The following MAGI1 variants were observed in gnomAD, a reference collection of about 807,000 sequenced individuals.
MAGI1 encodes the protein membrane associated guanylate kinase, WW and PDZ domain containing 1, also known as membrane-associated guanylate kinase, WW and PDZ domain-containing protein 1.
A neutral mutation model predicts 139.9 loss-of-function variants in MAGI1; 58 were observed. The ratio of observed to expected loss-of-function variants is 0.41; its 90% CI spans 0.34 to 0.52. The LOEUF is 0.52. MAGI1 is among the 20% of genes least tolerant of loss of function. The pLI is 0.12. For synonymous variants in MAGI1, 812 were observed against 737.9 expected (o/e 1.10, Z -1.63); for missense variants, 1,874 against 1,901.6 (o/e 0.99, Z 0.27).
intron 22 of MAGI1, chr3:65,360,351 C>A: frequency 3.3e-6 from 3 of 910,564 alleles, no homozygotes; most frequent in South Asian, 5.2e-5. Context: ...ATAGCTTCTT[C>A]TTTTTTTTTT....
chr3:65,617,587 A>C (rs1440560456), intron 2 of MAGI1, among the ~76,000 whole-genome samples: 1 of 152,136 alleles, frequency 6.6e-6, no homozygotes, highest in Non-Finnish European at 1.5e-5. Flanking sequence ...TCCAGCTCCA[A>C]GCTCATGGGA....
chr3:65,526,785 G>A (rs1166018184), intron 2 of MAGI1, among the ~76,000 whole-genome samples: 1 of 152,054 alleles, frequency 6.6e-6, no homozygotes, highest in Non-Finnish European at 1.5e-5. Context: ...GACATTGTGG[G>A]TAACTTGGTG....
chr3:65,614,788 C>T (rs536552988), intron 2 of MAGI1, among the ~76,000 whole-genome samples: 1 of 151,978 alleles, frequency 6.6e-6, no homozygotes, highest in African/African-American at 2.4e-5. Flanking sequence ...CAGAGCCGAT[C>T]TAAAAGCTTT....
intron 1 of MAGI1, among the ~76,000 whole-genome samples, chr3:65,766,444 G>A (rs180779525): frequency 6.6e-6 from 1 of 152,028 alleles, no homozygotes; most frequent in African/African-American, 2.4e-5. Flanking sequence ...ACGTTGCAAG[G>A]GATTGTACAG....
intron 1 of MAGI1, among the ~76,000 whole-genome samples, chr3:65,649,966 A>G (rs2085489686): frequency 6.6e-6 from 1 of 152,204 alleles, no homozygotes; most frequent in Non-Finnish European, 1.5e-5. Flanking sequence ...ACCTAAACAC[A>G]ACTACCATTT....
intron 11 of MAGI1, 75 bp downstream of exon 11, chr3:65,430,624 A>T (rs888795428): frequency 4.8e-5 from 71 of 1,492,230 alleles, no homozygotes; most frequent in Non-Finnish European, 6.2e-5. Context: ...AACAAACAAC[A>T]TCATGATTGC....
intron 1 of MAGI1, among the ~76,000 whole-genome samples, chr3:65,624,921 T>C (rs2083884440): frequency 6.6e-6 from 1 of 152,164 alleles, no homozygotes; most frequent in Admixed American, 6.5e-5. Flanking sequence ...TGCCCAGGCT[T>C]GTGTGCAGTG....
At chr3:65,846,915 CCAAA>C (rs1168091521) in intron 1 of MAGI1, among the ~76,000 whole-genome samples, 3 of 123,620 alleles carry the variant, frequency 2.4e-5, no homozygotes. Context: ...TCCTACTCCC[CCAAA>C]CAAAGGAAAG....
At chr3:65,386,314 T>G (rs1371434699) in intron 14 of MAGI1, among the ~76,000 whole-genome samples, 1 of 150,868 alleles carries the variant, frequency 6.6e-6, no homozygotes, top group African/African-American at 2.4e-5. Flanking sequence ...TATTTAAAGG[T>G]TTTCTGTTGA....
intron 1 of MAGI1, among the ~76,000 whole-genome samples, chr3:65,640,352 T>C (rs1224583567): frequency 6.6e-6 from 1 of 152,144 alleles, no homozygotes; most frequent in South Asian, 2.1e-4. Context: ...GTCTAATACA[T>C]CGGCTCTAAT....
chr3:65,569,614 T>C (rs1419558757), intron 2 of MAGI1, among the ~76,000 whole-genome samples: 3 of 152,088 alleles, frequency 2.0e-5, no homozygotes, highest in African/African-American at 7.2e-5. Flanking sequence ...CGGTGGCTTG[T>C]GCATGTAATC....
At chr3:65,421,447 G>T (rs1192721570) in intron 12 of MAGI1, among the ~76,000 whole-genome samples, 2 of 152,190 alleles carry the variant, frequency 1.3e-5, no homozygotes, top group African/African-American at 4.8e-5. Flanking sequence ...ATAGTGGTGA[G>T]TGAGGTCAAT....
intron 1 of MAGI1, among the ~76,000 whole-genome samples, chr3:65,982,480 T>C (rs922643221): frequency 2.0e-5 from 3 of 152,240 alleles, no homozygotes; most frequent in Admixed American, 6.5e-5. Context: ...GCAACTTCCA[T>C]GGTGCATTTA....
intron 1 of MAGI1, among the ~76,000 whole-genome samples, chr3:65,759,035 C>A (rs1392904433): frequency 6.9e-6 from 1 of 143,962 alleles, no homozygotes; most frequent in East Asian, 2.0e-4. Context: ...TTTACCACAG[C>A]CCCAGAAAGG....
chr3:65,356,565 C>G lies in MAGI1; in HGVS notation c.4202G>C (p.Arg1401Pro). 1.2e-6 allele frequency: 2 copies of G among 1,606,834 alleles called. No individual in the cohort carries two copies. Among genetic ancestry groups the G allele is most frequent in the African/African-American group, 1.3e-5 (1 of 74,616 alleles). Residue 1401 changes from arginine (R) to proline (P), a missense_variant, in exon 23 of 23, where the codon CGG becomes CCG. Physicochemically the swap from Arg to Pro is moderately radical, Grantham distance 103. Around this residue, in one of 5 missense-constraint regions of MAGI1, gnomAD observed 653 missense variants for 644.5 expected, o/e 1.01. Coordinates refer to ENST00000402939, the MANE Select transcript of MAGI1 (RefSeq NM_001033057.2). ...GCGCTCGGGGGAGCGTGCGCGCCTCCGGTCGGTGGACTTGGCCCTGCGCTC... is the reference window on the plus strand; with the variant it reads ...GCGCTCGGGGGAGCGTGCGCGCCTCGGGTCGGTGGACTTGGCCCTGCGCTC... ...SPERRAKSTD[R>P]RRARSPERRR...
chr3:65,561,300 T>C (rs990316839), intron 2 of MAGI1, among the ~76,000 whole-genome samples: 2 of 152,192 alleles, frequency 1.3e-5, no homozygotes, highest in African/African-American at 4.8e-5. Flanking sequence ...CCCGTATTGT[T>C]GTATTTTCTC....
intron 1 of MAGI1, among the ~76,000 whole-genome samples, chr3:65,633,738 GA>G (rs35666371): frequency 1.3e-5 from 2 of 151,780 alleles, no homozygotes; most frequent in African/African-American, 4.8e-5. Context: ...CATCTGTTCA[GA>G]AAAAAAATAA....
At chr3:65,962,656 G>T (rs190068398) in intron 1 of MAGI1, among the ~76,000 whole-genome samples, 1 of 151,724 alleles carries the variant, frequency 6.6e-6, no homozygotes, top group Non-Finnish European at 1.5e-5. Flanking sequence ...CCAACATGGT[G>T]AAACCCAATA....
intron 1 of MAGI1, among the ~76,000 whole-genome samples, chr3:65,816,101 G>C (rs764514076): frequency 3.3e-5 from 5 of 152,016 alleles, no homozygotes; most frequent in Non-Finnish European, 5.9e-5. Flanking sequence ...GCCTGGGTCC[G>C]AGCCCCCTCC....
Sources: allele counts gnomAD v4.1 joint callset (sites outside exome capture counted in the v4.1 genomes callset), GRCh38; gene constraint gnomAD v4.1.1; regional missense constraint gnomAD v4.1.1; transcripts MANE v1.5; gene names NCBI Gene and HGNC (gene_info 2026-07-23, HGNC 2026-07-21).